Variants in MTHFSD observed in about 807,000 individuals in gnomAD.
MTHFSD encodes the protein methenyltetrahydrofolate synthetase domain containing.
A neutral mutation model predicts 31.1 loss-of-function variants in MTHFSD; 37 were observed. The observed-to-expected ratio is 1.19, with a 90% CI of 0.91 to 1.56. The LOEUF is 1.56. MTHFSD is among the 40% of genes most tolerant of loss of function. The pLI, the probability that MTHFSD is intolerant of heterozygous loss-of-function variation, is 0.00. For synonymous variants in MTHFSD, 221 were observed against 206.9 expected (o/e 1.07, Z -0.59); for missense variants, 664 against 510.1 (o/e 1.30, Z -2.91).
chr16:86,551,948 A>G lies in MTHFSD; in HGVS notation c.237+85T>C. On this transcript the variant is annotated intron_variant, in intron 3 of 7. Transcript: ENST00000360900. Reference sequence around the variant, plus strand: ...GAAGCACCGACTTTCTAAATGCAAGACAGACGTGTGCACTGACCAGCTACC... The same window carrying G: ...GAAGCACCGACTTTCTAAATGCAAGGCAGACGTGTGCACTGACCAGCTACC... 1.9e-6 allele frequency: 3 copies of G among 1,558,308 alleles called. No individual in the cohort carries two copies. In the South Asian group the frequency reaches 3.7e-5, roughly 19 times the overall value.
At position 86,541,746 on chromosome 16, in the gene MTHFSD, A is replaced by G. The variant is rs1205284046; in HGVS notation, c.632T>C (p.Ile211Thr). The change falls in exon 7 of 8, where the codon ATC (isoleucine) becomes ACC (threonine). Residue 211 changes from isoleucine (I) to threonine (T), a missense_variant. Ile to Thr is a moderately conservative substitution (Grantham distance 89). Transcript: ENST00000360900. ...CTTTGGGCGCTTGCAGCCTGTGGCG[A>G]TGACTCTGGTTGGAGTGAGGATGTA... ...VDYILTPTRV[I>T]ATGCKRPKPM... is the part of the protein sequence containing the mutation. 1 of 1,614,022 alleles carries G rather than the reference A, an allele frequency of 6.2e-7. No individual in the cohort carries two copies. The highest frequency in any genetic ancestry group is 1.3e-5 in the African/African-American group (1 of 74,954).
Position 86,548,560 on chromosome 16 carries a change from C to T in MTHFSD, c.255G>A (p.Leu85=). Residue 85 remains leucine (L), a synonymous_variant, in exon 4 of 8, where the codon TTG becomes TTA. Transcript: ENST00000360900. ...CCGTTCTCAGTCGTGGTGTTGGAACCAACAATGTTTTTTTGCTCTTTTAAA... is the reference window on the plus strand; with the variant it reads ...CCGTTCTCAGTCGTGGTGTTGGAACTAACAATGTTTTTTTGCTCTTTTAAA... ...LLVLQSKKTL[L]VPTPRLRTGL... is the part of the protein sequence containing the mutation. The T allele has an allele frequency of 1.2e-6, 2 of 1,610,030 alleles. No homozygotes were observed. Among genetic ancestry groups the T allele is most frequent in the Non-Finnish European group, 1.7e-6 (2 of 1,178,828 alleles).
chr16:86,554,615 C>A (rs1397795328), intron 2 of MTHFSD, 30 bp downstream of exon 2: 1 of 1,527,046 alleles, frequency 6.5e-7, no homozygotes, highest in South Asian at 1.1e-5. Context: ...TTTTGTTTTC[C>A]TTTTCTGGAC....
At chr16:86,532,775 C>A in intron 7 of MTHFSD, 1 of 260,162 alleles carries the variant, frequency 3.8e-6, no homozygotes, top group Non-Finnish European at 7.2e-6. Flanking sequence ...CCATTTTCCT[C>A]CAGGCCCAGA....
chr16:86,544,678 C>G (rs1457755063), intron 5 of MTHFSD, among the ~76,000 whole-genome samples: 1 of 152,176 alleles, frequency 6.6e-6, no homozygotes, highest in East Asian at 1.9e-4. Flanking sequence ...ACCAGAAATA[C>G]CATTTGACCT....
rs988877123 is a variant in MTHFSD, at chr16:86,531,724, T to TG, written c.*286dup. 11 of 290,676 alleles carry TG rather than the reference T, an allele frequency of 3.8e-5. No individual in the cohort carries two copies. Among genetic ancestry groups the TG allele is most frequent in the Non-Finnish European group, 6.4e-5 (10 of 157,320 alleles). The allele number at this position is 290,676 out of a possible 1,614,324, so 18.0% of individuals were successfully genotyped here. On this transcript the variant is annotated 3_prime_UTR_variant, in exon 8 of 8. Coordinates refer to ENST00000360900, the MANE Select transcript of MTHFSD (RefSeq NM_001159377.2). The surrounding 1 kb of genome is among the most constrained non-coding windows in gnomAD (Gnocchi z 5.5). ...CCACTCACTCAGTCCCTGGCCCCTC[T>TG]GCTCTGTCCCTCCAGAGAAACAGAA...
At chr16:86,553,921 G>C (rs889722317) in intron 2 of MTHFSD, among the ~76,000 whole-genome samples, 16 of 152,138 alleles carry the variant, frequency 1.1e-4, no homozygotes, top group Admixed American at 6.5e-5. Flanking sequence ...TGCACCAATG[G>C]GCACTCTGTA....
At chr16:86,532,622 C>CAGTGGGAG in intron 7 of MTHFSD, 141 bp from the exon 8 acceptor site, 1 of 539,722 alleles carries the variant, frequency 1.9e-6, no homozygotes, top group Non-Finnish European at 3.0e-6. Context: ...GGACATGGGA[C>CAGTGGGAG]TCCCACTGTC....
At chr16:86,532,706 G>T in intron 7 of MTHFSD, 1 of 373,704 alleles carries the variant, frequency 2.7e-6, no homozygotes, top group Non-Finnish European at 4.7e-6. Context: ...AGGGAAGTCA[G>T]CACTCACGGG....
At chr16:86,537,707 A>G (rs577608766) in intron 7 of MTHFSD, among the ~76,000 whole-genome samples, 1 of 152,266 alleles carries the variant, frequency 6.6e-6, no homozygotes, top group South Asian at 2.1e-4. Flanking sequence ...CCTGTTCTCA[A>G]ATCCTTTTTC....
intron 7 of MTHFSD, 116 bp downstream of exon 7, chr16:86,541,581 G>A (rs1178577464): frequency 1.4e-6 from 2 of 1,421,680 alleles, no homozygotes; most frequent in African/African-American, 1.4e-5. Context: ...CTCCTTGGGT[G>A]ATTCTAACAT....
chr16:86,555,165 C>G lies in MTHFSD; in HGVS notation c.16+4G>C, dbSNP rs374696686. On this transcript the variant is annotated splice_donor_region_variant and intron_variant, in intron 1 of 7. Transcript: ENST00000360900. ...CCGCCCCGGAGCCCCGCCAGGCCCC[C>G]CACCTGCCCTCGGCTCCATGGTGAT... The G allele has an allele frequency of 3.9e-6, 6 of 1,536,712 alleles. No individual in the cohort carries two copies. Among genetic ancestry groups the G allele is most frequent in the Admixed American group, 3.9e-5 (2 of 51,050 alleles).
At position 86,552,282 on chromosome 16, in the gene MTHFSD, TG is replaced by T. The variant is rs772891448; in HGVS notation, c.124-137del. 4 of 1,581,442 alleles carry T rather than the reference TG, an allele frequency of 2.5e-6. No homozygotes were observed. In the South Asian group the frequency reaches 4.5e-5, roughly 18 times the overall value. On this transcript the variant is annotated intron_variant, in intron 2 of 7. Transcript: ENST00000360900. ...CAAGCGTGGGAGTTGCTCGGCAGCA[TG>T]AGAAGCGCCCTGTTTCCAATGCAAT...
intron 7 of MTHFSD, chr16:86,535,463 A>C: frequency 1.0e-6 from 1 of 985,400 alleles, no homozygotes; most frequent in South Asian, 4.7e-5. Flanking sequence ...AGTGCATGGC[A>C]GTGCTACTGT....
At chr16:86,546,496 C>T (rs71390839) in intron 5 of MTHFSD, 63 bp downstream of exon 5, 9 of 1,441,784 alleles carry the variant, frequency 6.2e-6, no homozygotes, top group Non-Finnish European at 8.8e-6. Context: ...GACAAACAGC[C>T]TGGCACGCAG....
chr16:86,550,175 C>T (rs1176611433), intron 3 of MTHFSD, among the ~76,000 whole-genome samples: 1 of 152,216 alleles, frequency 6.6e-6, no homozygotes, highest in Non-Finnish European at 1.5e-5. Context: ...ACCTGCATCC[C>T]AGCTGATCCT....
At position 86,542,191 on chromosome 16, in the gene MTHFSD, T is replaced by A. The variant is rs1465199252; in HGVS notation, c.465A>T (p.Glu155Asp). 6.2e-7 allele frequency: 1 copy of A among 1,613,614 alleles called. No individual in the cohort carries two copies. Among genetic ancestry groups the A allele is most frequent in the Non-Finnish European group, 8.5e-7 (1 of 1,179,936 alleles). The change falls in exon 6 of 8, where the codon GAA (glutamate) becomes GAT (aspartate). Residue 155 changes from glutamate to aspartate, a missense_variant. By Grantham distance (45) the Glu-to-Asp change is conservative. Coordinates refer to ENST00000360900, the MANE Select transcript of MTHFSD (RefSeq NM_001159377.2). The surrounding 1 kb of genome is among the most constrained non-coding windows in gnomAD (Gnocchi z 4.6). Reference sequence around the variant, plus strand: ...TGGCATATTCCAGATCGGCGTAGCCTTCTCCCTTCCCGATTCTCCAGCCTA... The same window carrying A: ...TGGCATATTCCAGATCGGCGTAGCCATCTCCCTTCCCGATTCTCCAGCCTA... Reference protein sequence around the residue: ...SEKGWRIGKGEGYADLEYAMM... With the variant: ...SEKGWRIGKGDGYADLEYAMM...
chr16:86,542,614 G>A lies in MTHFSD; in HGVS notation c.443-401C>T, dbSNP rs148676265. ...AAAACATGTTTAATCAACTTACCTC[G>A]GAGGGAAAATCGCTGCTCTGAAGTC... On this transcript the variant is annotated intron_variant, in intron 5 of 7. Transcript: ENST00000360900. The surrounding 1 kb of genome is among the most constrained non-coding windows in gnomAD (Gnocchi z 4.6). 16 of 182,594 alleles carry A rather than the reference G, an allele frequency of 8.8e-5. No individual in the cohort carries two copies. The East Asian group carries it at 2.2e-3, about 26-fold the overall frequency. 11.3% of individuals were successfully genotyped at this position (182,594 alleles called of 1,614,324 possible).
At position 86,543,225 on chromosome 16, in the gene MTHFSD, G is replaced by T. The variant is rs1206909045; in HGVS notation, c.443-1012C>A. Among the ~76,000 whole-genome samples, 3 of 152,178 alleles carry T rather than the reference G, an allele frequency of 2.0e-5. No homozygotes were observed. The East Asian group carries it at 5.8e-4, about 29-fold the overall frequency. On this transcript the variant is annotated intron_variant, in intron 5 of 7. Transcript: ENST00000360900. ...GAGATGCTAGTCACTGCTCACTAGCGGACTGCTCAAAGTCAAAGCTGGCTC... is the reference window on the plus strand; with the variant it reads ...GAGATGCTAGTCACTGCTCACTAGCTGACTGCTCAAAGTCAAAGCTGGCTC...
Sources: gnomAD v4.1 joint callset for allele counts (sites outside exome capture counted in the v4.1 genomes callset) on GRCh38, gnomAD v4.1.1 for gene constraint, Gnocchi (gnomAD v3.1) non-coding constraint, MANE v1.5 for transcripts, NCBI Gene and HGNC (gene_info 2026-07-23, HGNC 2026-07-21) for gene names.